PCOLCE2: variants seen among roughly 807,000 people sequenced by gnomAD.
The protein encoded by PCOLCE2 is procollagen C-endopeptidase enhancer 2.
Under a neutral mutation model 47.0 loss-of-function variants are expected in PCOLCE2, and 42 were observed. The ratio of observed to expected loss-of-function variants is 0.89; its 90% CI spans 0.70 to 1.16. The LOEUF (loss-of-function observed/expected upper bound fraction) is 1.16. Ranked by LOEUF, PCOLCE2 falls within the 50% of genes most tolerant of loss-of-function variation. The pLI, the probability that PCOLCE2 is intolerant of heterozygous loss-of-function variation, is 0.00. For missense variants in PCOLCE2, 500 were observed against 526.1 expected, an observed-to-expected ratio of 0.95 and a Z score of 0.49; for synonymous variants, 169 against 191.7, an observed-to-expected ratio of 0.88 and a Z score of 0.98.
At chr3:142,829,049 G>A (rs1252173842) in intron 6 of PCOLCE2, among the ~76,000 whole-genome samples, 1 of 152,042 alleles carries the variant, frequency 6.6e-6, no homozygotes, top group African/African-American at 2.4e-5. Context: ...CCTCCTCCCT[G>A]GGTTTGGATT....
At chr3:142,858,190 C>T (rs1157938583) in intron 2 of PCOLCE2, among the ~76,000 whole-genome samples, 1 of 152,180 alleles carries the variant, frequency 6.6e-6, no homozygotes, top group Admixed American at 6.5e-5. Context: ...GGTGCCTCCT[C>T]GGCATCCACA....
chr3:142,820,918 C>T lies in PCOLCE2; in HGVS notation c.1077G>A (p.Arg359=). The change falls in exon 8 of 9, where the codon AGG becomes AGA. Residue 359 remains arginine (R), a synonymous_variant. Transcript: ENST00000295992. ...IQQAGKNMSA[R]LTVVCKQCPL... ...GGCACTGCTTGCAGACGACAGTCAG[C>T]CTGGCACTCATGTTCTTGCCCGCCT... 6.2e-7 allele frequency: 1 copy of T among 1,614,122 alleles called. No individual in the cohort carries two copies. The highest frequency in any genetic ancestry group is 8.5e-7 in the Non-Finnish European group (1 of 1,179,992).
chr3:142,827,210 C>G (rs1937090432), intron 6 of PCOLCE2: 1 of 1,256,338 alleles, frequency 8.0e-7, no homozygotes, highest in African/African-American at 1.5e-5. Context: ...GGAGGGGATG[C>G]CGATGTGCTG....
intron 6 of PCOLCE2, among the ~76,000 whole-genome samples, chr3:142,828,111 G>A (rs1318946300): frequency 6.6e-6 from 1 of 152,156 alleles, no homozygotes; most frequent in Non-Finnish European, 1.5e-5. Flanking sequence ...ACCTGACAGT[G>A]GCCACAGTGA....
intron 2 of PCOLCE2, among the ~76,000 whole-genome samples, chr3:142,884,552 C>T (rs993356699): frequency 6.6e-6 from 1 of 152,210 alleles, no homozygotes; most frequent in Non-Finnish European, 1.5e-5. Context: ...TATTTCTTAA[C>T]ACCCAAATTC....
At chr3:142,847,426 T>A (rs947661852) in intron 3 of PCOLCE2, among the ~76,000 whole-genome samples, 1 of 152,248 alleles carries the variant, frequency 6.6e-6, no homozygotes, top group Admixed American at 6.5e-5. Flanking sequence ...TGGACTGCTC[T>A]TGGGTAAAAG....
intron 6 of PCOLCE2, among the ~76,000 whole-genome samples, chr3:142,824,799 T>C (rs973472512): frequency 3.9e-5 from 6 of 152,140 alleles, no homozygotes; most frequent in African/African-American, 1.4e-4. Context: ...GGCCAATTTT[T>C]GTATTTTTAG....
intron 1 of PCOLCE2, among the ~76,000 whole-genome samples, chr3:142,888,499 T>C (rs1027871357): frequency 6.6e-6 from 1 of 152,242 alleles, no homozygotes; most frequent in Non-Finnish European, 1.5e-5. Flanking sequence ...AGTGCTTCCC[T>C]CTGGCCCCAT....
At chr3:142,887,139 C>G (rs1933732283) in intron 2 of PCOLCE2, 1 of 143,202 alleles carries the variant, frequency 7.0e-6, no homozygotes, top group South Asian at 2.2e-4. Context: ...TGGCCCTTGG[C>G]TGCTATTTAG....
At chr3:142,866,289 C>T (rs1171663686) in intron 2 of PCOLCE2, among the ~76,000 whole-genome samples, 2 of 152,134 alleles carry the variant, frequency 1.3e-5, no homozygotes, top group Non-Finnish European at 1.5e-5. Context: ...TGAGCTGGGA[C>T]ATCCATTTTC....
intron 3 of PCOLCE2, chr3:142,846,686 A>G (rs980577649): frequency 6.6e-6 from 1 of 151,994 alleles, no homozygotes; most frequent in African/African-American, 2.4e-5. Flanking sequence ...TTTTCTTCAG[A>G]TTGAGTAATT....
At chr3:142,824,567 G>A (rs1165044545) in intron 6 of PCOLCE2, among the ~76,000 whole-genome samples, 1 of 152,134 alleles carries the variant, frequency 6.6e-6, no homozygotes, top group Admixed American at 6.5e-5. Context: ...TGCCCTTGTT[G>A]GGTGAATATC....
chr3:142,823,440 C>G (rs545667295), intron 7 of PCOLCE2, 92 bp downstream of exon 7: 1 of 764,682 alleles, frequency 1.3e-6, no homozygotes, highest in East Asian at 2.5e-5. Flanking sequence ...GTTATTGACC[C>G]TTCACCATAA....
chr3:142,843,131 A>C, intron 3 of PCOLCE2, 83 bp from the exon 4 acceptor site: 1 of 1,384,246 alleles, frequency 7.2e-7, no homozygotes, highest in African/African-American at 1.4e-5. Context: ...GGAATGTGGG[A>C]TCTTTGGTGA....
chr3:142,844,216 T>A (rs1273766113), intron 3 of PCOLCE2, among the ~76,000 whole-genome samples: 15 of 152,168 alleles, frequency 9.9e-5, no homozygotes, highest in African/African-American at 3.4e-4. Context: ...AATTTGTGCA[T>A]CTCTTCCCAT....
intron 1 of PCOLCE2, among the ~76,000 whole-genome samples, chr3:142,888,033 G>T (rs919703777): frequency 1.3e-5 from 2 of 152,102 alleles, no homozygotes; most frequent in Non-Finnish European, 2.9e-5. Flanking sequence ...TCAAGTCCTC[G>T]GCATTGTGGC....
chr3:142,889,018 C>G lies in PCOLCE2; in HGVS notation c.-122G>C, dbSNP rs959977857. On this transcript the variant is annotated 5_prime_UTR_variant, in exon 1 of 9. Transcript: ENST00000295992. ...AGCAGCGCTGGCTCACACCGGCGCT[C>G]GGCTGCCCGCGCGCTCCCTCTCACG... is the stretch of plus-strand genomic sequence containing the variant. The G allele has an allele frequency of 7.4e-6, 2 of 271,968 alleles. No individual in the cohort carries two copies. Among genetic ancestry groups the G allele is most frequent in the Non-Finnish European group, 1.4e-5 (2 of 143,120 alleles). 16.8% of individuals were successfully genotyped at this position (271,968 alleles called of 1,614,324 possible).
At chr3:142,876,442 T>C (rs1399045494) in intron 2 of PCOLCE2, among the ~76,000 whole-genome samples, 1 of 152,084 alleles carries the variant, frequency 6.6e-6, no homozygotes, top group Admixed American at 6.6e-5. Context: ...GTCATACAGC[T>C]CGTAATTGTT....
intron 2 of PCOLCE2, among the ~76,000 whole-genome samples, chr3:142,873,424 A>T (rs79294555): frequency 0.051 from 7,677 of 151,722 alleles, 205 homozygotes; most frequent in African/African-American, 0.06. Context: ...AAAATTTTTT[A>T]AAGTTAACTA....
Sources: allele counts gnomAD v4.1 joint callset (sites outside exome capture counted in the v4.1 genomes callset), GRCh38; gene constraint gnomAD v4.1.1; transcripts MANE v1.5; gene names NCBI Gene and HGNC (gene_info 2026-07-23, HGNC 2026-07-21).